Variants in ST8SIA4 observed in about 807,000 individuals in gnomAD.
The protein encoded by ST8SIA4 is ST8 alpha-N-acetyl-neuraminide alpha-2,8-sialyltransferase 4.
In ST8SIA4, 15 loss-of-function variants were observed where a neutral mutation model predicts 33.9. The ratio of observed to expected loss-of-function variants is 0.44; its 90% CI spans 0.30 to 0.68. The LOEUF is 0.68. Among genes scored for constraint, ST8SIA4 ranks in the 30% least tolerant of loss-of-function variants. The pLI is 0.10. For synonymous variants in ST8SIA4, 171 were observed against 151.2 expected (o/e 1.13, Z -0.96); for missense variants, 321 against 428.0 (o/e 0.75, Z 2.21).
At chr5:100,815,679 T>C (rs1750902733) in intron 4 of ST8SIA4, among the ~76,000 whole-genome samples, 1 of 152,040 alleles carries the variant, frequency 6.6e-6, no homozygotes, top group South Asian at 2.1e-4. Flanking sequence ...TTCAATTTCT[T>C]ACTTCAAACA....
chr5:100,808,210 G>T lies in ST8SIA4; in HGVS notation c.*3637C>A, dbSNP rs1051727787. ...CTGTATAGTAGCTGAATAACTAATT[G>T]GTATGTACACTACCCCTAGCATTAC... On this transcript the variant is annotated 3_prime_UTR_variant, in exon 5 of 5. Transcript: ENST00000231461. 1 of 152,408 alleles carries T rather than the reference G, an allele frequency of 6.6e-6. No homozygotes were observed. The highest frequency in any genetic ancestry group is 6.6e-5 in the Admixed American group (1 of 15,262). The allele number at this position is 152,408 out of a possible 1,614,324, so 9.4% of individuals were successfully genotyped here. A position where few individuals can be genotyped will look rare whatever the true frequency, so the allele number is the denominator to read the frequency against.
chr5:100,856,522 T>A, intron 3 of ST8SIA4, 126 bp from the exon 4 acceptor site: 1 of 865,556 alleles, frequency 1.2e-6, no homozygotes, highest in Non-Finnish European at 1.8e-6. Context: ...AACCAAAAGA[T>A]CATCTACTTG....
At chr5:100,847,177 G>A (rs1310266573) in intron 4 of ST8SIA4, among the ~76,000 whole-genome samples, 3 of 151,998 alleles carry the variant, frequency 2.0e-5, no homozygotes, top group Non-Finnish European at 2.9e-5. Flanking sequence ...AAACCATATG[G>A]AAATATTTTT....
chr5:100,834,814 G>A (rs751257916), intron 4 of ST8SIA4, among the ~76,000 whole-genome samples: 6 of 152,062 alleles, frequency 3.9e-5, no homozygotes, highest in Non-Finnish European at 8.8e-5. Context: ...TGTCATGATT[G>A]TAAGCTTGCT....
chr5:100,839,589 T>C (rs1751432654), intron 4 of ST8SIA4, among the ~76,000 whole-genome samples: 1 of 151,974 alleles, frequency 6.6e-6, no homozygotes, highest in African/African-American at 2.4e-5. Flanking sequence ...AATCTTCTCT[T>C]TATCTCTGGC....
chr5:100,822,777 A>G (rs1314700212), intron 4 of ST8SIA4, among the ~76,000 whole-genome samples: 1 of 152,156 alleles, frequency 6.6e-6, no homozygotes, highest in Admixed American at 6.5e-5. Flanking sequence ...TCTAAGTCAC[A>G]GGATGAGACA....
chr5:100,839,119 C>G (rs1369761815), intron 4 of ST8SIA4, among the ~76,000 whole-genome samples: 1 of 151,996 alleles, frequency 6.6e-6, no homozygotes, highest in Non-Finnish European at 1.5e-5. Context: ...TGAGCCACCA[C>G]ACCCACCCAT....
At chr5:100,866,758 C>T (rs1286417011) in intron 3 of ST8SIA4, among the ~76,000 whole-genome samples, 1 of 151,926 alleles carries the variant, frequency 6.6e-6, no homozygotes, top group East Asian at 1.9e-4. Flanking sequence ...GGTGACCAGC[C>T]CAAGGTCATT....
Position 100,897,182 on chromosome 5 carries a change from G to A in ST8SIA4, c.114-1397C>T, listed in dbSNP as rs560552839. On this transcript the variant is annotated intron_variant, in intron 1 of 4. Coordinates refer to ENST00000231461, the MANE Select transcript of ST8SIA4 (RefSeq NM_005668.6). ...ACTCATTAAGTAGTCATTATTAGTA[G>A]TATTTTCTCTTACATTAAAAAAACT... 3.3e-5 allele frequency among the ~76,000 whole-genome samples: 5 copies of A among 152,168 alleles called. No individual in the cohort carries two copies. The South Asian group carries it at 1.0e-3, about 32-fold the overall frequency.
intron 3 of ST8SIA4, among the ~76,000 whole-genome samples, chr5:100,871,084 T>C (rs530101076): frequency 6.6e-6 from 1 of 152,226 alleles, no homozygotes; most frequent in South Asian, 2.1e-4. Context: ...CTGTTTGAGT[T>C]AAGGGAATAC....
chr5:100,890,076 A>G (rs1194193067), intron 2 of ST8SIA4, among the ~76,000 whole-genome samples: 1 of 151,834 alleles, frequency 6.6e-6, no homozygotes, highest in East Asian at 1.9e-4. Context: ...TCTTCTACGT[A>G]TGGAAAATTA....
chr5:100,887,610 A>G (rs1309360461), intron 2 of ST8SIA4, among the ~76,000 whole-genome samples: 1 of 152,030 alleles, frequency 6.6e-6, no homozygotes, highest in Non-Finnish European at 1.5e-5. Flanking sequence ...GATGATGGAA[A>G]ATGATTATAA....
At position 100,886,581 on chromosome 5, in the gene ST8SIA4, A is replaced by G. The variant is rs1254215631; in HGVS notation, c.265T>C (p.Leu89=). 6.2e-7 allele frequency: 1 copy of G among 1,613,532 alleles called. No homozygotes were observed. Among genetic ancestry groups the G allele is most frequent in the Non-Finnish European group, 8.5e-7 (1 of 1,179,534 alleles). The change falls in exon 3 of 5, where the codon TTA becomes CTA. Residue 89 remains leucine (L), a synonymous_variant. Coordinates refer to ENST00000231461, the MANE Select transcript of ST8SIA4 (RefSeq NM_005668.6). The stretch of plus-strand genomic sequence containing the variant: ...ACTGACACATCTCGTTCTGCATCTA[A>G]GAAACGAAGTATGTTCTTCCTGTAT... The part of the protein sequence containing the change: ...LEIRKNILRF[L]DAERDVSVVK...
At chr5:100,829,957 T>C (rs1248598274) in intron 4 of ST8SIA4, among the ~76,000 whole-genome samples, 1 of 152,102 alleles carries the variant, frequency 6.6e-6, no homozygotes, top group African/African-American at 2.4e-5. Context: ...AGCAACATAT[T>C]CTTCTGTAAG....
chr5:100,866,440 G>C (rs1752060593), intron 3 of ST8SIA4, among the ~76,000 whole-genome samples: 1 of 151,878 alleles, frequency 6.6e-6, no homozygotes, highest in Non-Finnish European at 1.5e-5. Flanking sequence ...TTCTTTCAAA[G>C]AGTAAACTAA....
chr5:100,808,667 A>C lies in ST8SIA4; in HGVS notation c.*3180T>G, dbSNP rs1750741915. 6.5e-6 allele frequency: 1 copy of C among 152,686 alleles called. No individual in the cohort carries two copies. The highest frequency in any genetic ancestry group is 2.4e-5 in the African/African-American group (1 of 41,474). The allele number at this position is 152,686 out of a possible 1,614,324, so 9.5% of individuals were successfully genotyped here. ...AAAAGAAAAAGCTCCACCTATTTCA[A>C]GTATGCTTTTATAATTTGATTTTGT... On this transcript the variant is annotated 3_prime_UTR_variant, in exon 5 of 5. Coordinates refer to ENST00000231461, the MANE Select transcript of ST8SIA4 (RefSeq NM_005668.6).
rs1561381442 is a variant in ST8SIA4 at position 100,812,027 on chromosome 5, G to C, written c.900C>G (p.Phe300Leu). ...RFCDEIHLYG[F>L]WPFPKDLNGK... ...CATTTAAATCCTTAGGGAAGGGCCAGAATCCATACAGGTGAATTTCATCAC... is the reference window on the plus strand; with the variant it reads ...CATTTAAATCCTTAGGGAAGGGCCACAATCCATACAGGTGAATTTCATCAC... The change falls in exon 5 of 5, where the codon TTC (phenylalanine) becomes TTG (leucine). Residue 300 changes from phenylalanine to leucine, a missense_variant. By Grantham distance (22) the Phe-to-Leu change is conservative. Coordinates refer to ENST00000231461, the MANE Select transcript of ST8SIA4 (RefSeq NM_005668.6). The C allele has an allele frequency of 6.2e-7, 1 of 1,614,108 alleles. No individual in the cohort carries two copies. Among genetic ancestry groups the C allele is most frequent in the Non-Finnish European group, 8.5e-7 (1 of 1,180,006 alleles).
intron 4 of ST8SIA4, chr5:100,816,635 T>C (rs938973378): frequency 1.6e-5 from 8 of 502,706 alleles, no homozygotes; most frequent in African/African-American, 6.1e-5. Flanking sequence ...CTAGAAGAAT[T>C]TGAATATCAA....
chr5:100,823,021 C>T (rs1484557707), intron 4 of ST8SIA4, among the ~76,000 whole-genome samples: 2 of 152,020 alleles, frequency 1.3e-5, no homozygotes, highest in African/African-American at 4.8e-5. Flanking sequence ...GTCCCAGCTA[C>T]TCGGGGGGCT....
Sources: allele counts gnomAD v4.1 joint callset (sites outside exome capture counted in the v4.1 genomes callset), GRCh38; gene constraint gnomAD v4.1.1; transcripts MANE v1.5; gene names NCBI Gene and HGNC (gene_info 2026-07-23, HGNC 2026-07-21).